Variants in FAM135B observed in about 807,000 individuals in gnomAD.
FAM135B encodes the protein protein FAM135B.
A neutral mutation model predicts 127.7 loss-of-function variants in FAM135B; 43 were observed. That is an observed-to-expected ratio of 0.34 (90% CI 0.26 to 0.43). FAM135B has a LOEUF of 0.43. Among genes scored for constraint, FAM135B ranks in the 20% least tolerant of loss-of-function variants. The probability of loss-of-function intolerance (pLI) is 1.00; values close to 1 mark genes in which losing one functional copy is unlikely to be tolerated. For synonymous variants in FAM135B, 670 were observed against 665.1 expected (o/e 1.01, Z -0.11); for missense variants, 1,558 against 1,725.6 (o/e 0.90, Z 1.72).
intron 11 of FAM135B, among the ~76,000 whole-genome samples, chr8:138,176,828 T>C (rs1302454391): frequency 6.6e-6 from 1 of 152,244 alleles, no homozygotes; most frequent in African/African-American, 2.4e-5. Flanking sequence ...CCTGGGAATC[T>C]ATGAGACAGT....
chr8:138,261,496 A>G (rs936927272), intron 4 of FAM135B, among the ~76,000 whole-genome samples: 1 of 152,192 alleles, frequency 6.6e-6, no homozygotes, highest in African/African-American at 2.4e-5. Context: ...TTGGTCCAAT[A>G]CATTTACCCC....
chr8:138,374,102 G>A (rs1036478823), intron 1 of FAM135B, among the ~76,000 whole-genome samples: 9 of 152,058 alleles, frequency 5.9e-5, no homozygotes, highest in South Asian at 2.1e-4. Context: ...CTGGTTTTGC[G>A]TCTTGCAGGG....
At chr8:138,381,561 C>T (rs1268299563) in intron 1 of FAM135B, among the ~76,000 whole-genome samples, 4 of 152,148 alleles carry the variant, frequency 2.6e-5, no homozygotes, top group African/African-American at 9.7e-5. Flanking sequence ...TAGCAAGAAA[C>T]ATGGCAGAGA....
At chr8:138,206,288 C>G (rs1309398657) in intron 7 of FAM135B, among the ~76,000 whole-genome samples, 7 of 147,354 alleles carry the variant, frequency 4.8e-5, no homozygotes, top group South Asian at 2.2e-4. Flanking sequence ...CACCTACGCA[C>G]AGCTCTATCA....
At position 138,256,722 on chromosome 8, in the gene FAM135B, T is replaced by G. The variant is rs773207582; in HGVS notation, c.335A>C (p.Lys112Thr). The change falls in exon 5 of 20, where the codon AAG becomes ACG. Residue 112 changes from lysine to threonine, a missense_variant. Physicochemically the swap from Lys to Thr is moderately conservative, Grantham distance 78. This residue lies in a region of FAM135B where 199 missense variants were observed against 245.7 expected (regional missense o/e 0.81). Transcript: ENST00000395297. Reference sequence around the variant, plus strand: ...ACTGTCCGTAAAGTGCAGATCCACCTTGAGTTGAAAATCTACTTCACTCAG... The same window carrying G: ...ACTGTCCGTAAAGTGCAGATCCACCGTGAGTTGAAAATCTACTTCACTCAG... ...DALSEVDFQL[K>T]VDLHFTDSEQ... The G allele has an allele frequency of 6.2e-7, 1 of 1,613,918 alleles. No individual in the cohort carries two copies. Among genetic ancestry groups the G allele is most frequent in the African/African-American group, 1.3e-5 (1 of 74,922 alleles).
chr8:138,350,996 CT>C (rs1587192358), intron 2 of FAM135B, among the ~76,000 whole-genome samples: 1 of 152,148 alleles, frequency 6.6e-6, no homozygotes, highest in Non-Finnish European at 1.5e-5. Flanking sequence ...TTGCCTGGGA[CT>C]TTCATGGTCT....
chr8:138,142,978 C>CCCCCAGCA, intron 16 of FAM135B, 34 bp downstream of exon 16: 1 of 1,123,794 alleles, frequency 8.9e-7, no homozygotes, highest in Non-Finnish European at 1.4e-6. Flanking sequence ...CCCCCCTCTT[C>CCCCCAGCA]CCCCAGCATT....
In FAM135B at chr8:138,152,495, G is replaced by C. The variant is rs2130771686; in HGVS notation, c.1980C>G (p.Asp660Glu). 1 of 1,614,178 alleles carries C rather than the reference G, an allele frequency of 6.2e-7. No homozygotes were observed. The highest frequency in any genetic ancestry group is 8.5e-7 in the Non-Finnish European group (1 of 1,180,042). The change falls in exon 13 of 20, where the codon GAC becomes GAG. Residue 660 changes from aspartate (D) to glutamate (E), a missense_variant. Around this residue, in one of 5 missense-constraint regions of FAM135B, gnomAD observed 923 missense variants for 865.3 expected, o/e 1.07. Transcript: ENST00000395297. ...GTTCCTCCTGCTCTTCTGTGTGAGA[G>C]TCCTTTAGGGAAGACCTAATATCTA... ...EPLDIRSSLKDSHTEEQEELS... is the reference protein window; with the variant it reads ...EPLDIRSSLKESHTEEQEELS...
intron 7 of FAM135B, among the ~76,000 whole-genome samples, chr8:138,213,319 T>C (rs4909761): frequency 0.73 from 110,592 of 152,054 alleles, 40,456 homozygotes; most frequent in East Asian, 0.82. Context: ...CCACGGTGAA[T>C]TAAGTAATAA....
At chr8:138,142,186 C>A (rs139709008) in intron 16 of FAM135B, among the ~76,000 whole-genome samples, 1 of 151,376 alleles carries the variant, frequency 6.6e-6, no homozygotes, top group East Asian at 1.9e-4. Flanking sequence ...ATGCAAGCTG[C>A]TTACTAGCAC....
chr8:138,199,129 A>G (rs1816904335), intron 7 of FAM135B, among the ~76,000 whole-genome samples: 1 of 152,112 alleles, frequency 6.6e-6, no homozygotes, highest in African/African-American at 2.4e-5. Flanking sequence ...AGTTGATCCA[A>G]TGTGGGTGGG....
intron 2 of FAM135B, chr8:138,358,702 G>A (rs761872902): frequency 6.6e-6 from 1 of 152,030 alleles, no homozygotes; most frequent in Non-Finnish European, 1.5e-5. Context: ...CTACCTTCAT[G>A]GCCACATGAC....
intron 6 of FAM135B, among the ~76,000 whole-genome samples, chr8:138,245,481 C>T (rs1327757616): frequency 1.3e-5 from 2 of 152,128 alleles, no homozygotes; most frequent in Non-Finnish European, 2.9e-5. Context: ...TTATAAGGGG[C>T]TTTCCCCCAT....
At chr8:138,262,470 G>A (rs1222969521) in intron 4 of FAM135B, among the ~76,000 whole-genome samples, 1 of 152,164 alleles carries the variant, frequency 6.6e-6, no homozygotes, top group Non-Finnish European at 1.5e-5. Flanking sequence ...ACCACTCTAG[G>A]CAACCTAATG....
chr8:138,309,141 T>A, intron 3 of FAM135B: 2 of 382,410 alleles, frequency 5.2e-6, no homozygotes, highest in Non-Finnish European at 1.0e-5. Flanking sequence ...GCTGCTCATG[T>A]TATTATCCAA....
rs532143405 is a variant in FAM135B, at chr8:138,137,003, A to G, written c.4015+144T>C. The stretch of plus-strand genomic sequence containing the variant: ...GATCTGGCACAGTAACATCGAGATG[A>G]GCTATGTTTGTCCTATCACTAAGCT... On this transcript the variant is annotated intron_variant, in intron 19 of 19. Coordinates refer to ENST00000395297, the MANE Select transcript of FAM135B (RefSeq NM_015912.4). 20 of 621,716 alleles carry G rather than the reference A, an allele frequency of 3.2e-5. No individual in the cohort carries two copies. The African/African-American group carries it at 3.5e-4, about 11-fold the overall frequency. The allele number at this position is 621,716 out of a possible 1,614,324, so 38.5% of individuals were successfully genotyped here.
Position 138,242,324 on chromosome 8 carries a change from G to C in FAM135B, c.669+618C>G, listed in dbSNP as rs536176495. 3.3e-5 allele frequency among the ~76,000 whole-genome samples: 5 copies of C among 151,940 alleles called. No individual in the cohort carries two copies. The East Asian group carries it at 9.7e-4, about 29-fold the overall frequency. On this transcript the variant is annotated intron_variant, in intron 7 of 19. Transcript: ENST00000395297. This position sits in a 1 kb window ranked among gnomAD's most constrained non-coding sequence, Gnocchi z 9.6. ...AAACATAGCATATACTGGCTTGGGA[G>C]AAATATGAGCAGAATCATACCCTGT...
intron 2 of FAM135B, among the ~76,000 whole-genome samples, chr8:138,354,958 C>T (rs1223970796): frequency 2.6e-5 from 4 of 151,884 alleles, no homozygotes. Flanking sequence ...TGTGCTGCAC[C>T]CATTAACTCG....
intron 7 of FAM135B, among the ~76,000 whole-genome samples, chr8:138,234,293 G>A (rs2130254330): frequency 6.6e-6 from 1 of 152,316 alleles, no homozygotes; most frequent in East Asian, 1.9e-4. Flanking sequence ...CAGCCACTAT[G>A]AAAAACAATA....
Sources: allele counts gnomAD v4.1 joint callset (sites outside exome capture counted in the v4.1 genomes callset), GRCh38; gene constraint gnomAD v4.1.1; regional missense constraint gnomAD v4.1.1; non-coding constraint Gnocchi (gnomAD v3.1); transcripts MANE v1.5; gene names NCBI Gene and HGNC (gene_info 2026-07-23, HGNC 2026-07-21).